DNAH1: variants seen among roughly 807,000 people sequenced by gnomAD.
DNAH1 encodes dynein axonemal heavy chain 1.
In DNAH1, 327 loss-of-function variants were observed where a neutral mutation model predicts 484.3. The observed-to-expected ratio is 0.68, with a 90% confidence interval of 0.62 to 0.74. The LOEUF (loss-of-function observed/expected upper bound fraction) is 0.74. Among genes scored for constraint, DNAH1 ranks in the 30% least tolerant of loss-of-function variants. The pLI, the probability that DNAH1 is intolerant of heterozygous loss-of-function variation, is 0.00. For missense variants in DNAH1, 5,052 were observed against 5,546.8 expected, an observed-to-expected ratio of 0.91 and a Z score of 2.83; for synonymous variants, 2,192 against 2,191.9, an observed-to-expected ratio of 1.00 and a Z score of 0.00.
chr3:52,379,866 G>T lies in DNAH1; in HGVS notation c.7378-39G>T. The T allele has an allele frequency of 1.3e-6, 2 of 1,522,602 alleles. No individual in the cohort carries two copies. The highest frequency in any genetic ancestry group is 2.4e-5 in the South Asian group (2 of 82,102). The allele number at this position is 1,522,602 out of a possible 1,614,324, so 94.3% of individuals were successfully genotyped here. On this transcript the variant is annotated intron_variant, in intron 47 of 77. Coordinates refer to ENST00000420323, the MANE Select transcript of DNAH1 (RefSeq NM_015512.5). This position sits in a 1 kb window ranked among gnomAD's most constrained non-coding sequence, Gnocchi z 4.4. ...TGGTTTGAGAGATAGCTGAGGGCTT[G>T]GGGGCCAAGGACAGGCACCGATGCT... is the stretch of plus-strand genomic sequence containing the variant.
At position 52,388,813 on chromosome 3, in the gene DNAH1, A is replaced by G. The variant is rs202033408; in HGVS notation, c.9371A>G (p.Asn3124Ser). Reference protein sequence around the residue: ...QRLGRAGKLINGLSDEKVRWQ... With the variant: ...QRLGRAGKLISGLSDEKVRWQ... ...ACGGGGCTGCCCCTCCAGCTCATCA[A>G]CGGGCTGTCGGATGAGAAGGTGCGC... The change falls in exon 59 of 78, where the codon AAC becomes AGC. Residue 3124 changes from asparagine to serine, a missense_variant. Physicochemically the swap from Asn to Ser is conservative, Grantham distance 46 (BLOSUM62 1). Around this residue, in one of 4 missense-constraint regions of DNAH1, gnomAD observed 2,929 missense variants for 3,409.4 expected, o/e 0.86. Coordinates refer to ENST00000420323, the MANE Select transcript of DNAH1 (RefSeq NM_015512.5). 1.2e-5 allele frequency: 19 copies of G among 1,613,506 alleles called. No individual in the cohort carries two copies. Among genetic ancestry groups the G allele is most frequent in the African/African-American group, 1.1e-4 (8 of 75,066 alleles).
In DNAH1 at chr3:52,393,030, C is replaced by T. The variant is rs774095939; in HGVS notation, c.10474+5C>T. The T allele has an allele frequency of 6.2e-7, 1 of 1,612,174 alleles. No homozygotes were observed. Among genetic ancestry groups the T allele is most frequent in the Admixed American group, 1.7e-5 (1 of 59,964 alleles). On this transcript the variant is annotated splice_donor_5th_base_variant and intron_variant, in intron 65 of 77. Coordinates refer to ENST00000420323, the MANE Select transcript of DNAH1 (RefSeq NM_015512.5). Reference sequence around the variant, plus strand: ...TCGCCAACTCAGAGAGAGCAGGTAGCACCGGCATGCCAGGCTCCTACCCTG... The same window carrying T: ...TCGCCAACTCAGAGAGAGCAGGTAGTACCGGCATGCCAGGCTCCTACCCTG...
At chr3:52,338,882 A>AG (rs1701828109) in intron 8 of DNAH1, among the ~76,000 whole-genome samples, 1 of 151,836 alleles carries the variant, frequency 6.6e-6, no homozygotes, top group African/African-American at 2.4e-5. Flanking sequence ...AAAAAAAAAA[A>AG]AAAAAGCCAG....
chr3:52,400,196 T>G (rs1456412550), intron 77 of DNAH1, 129 bp from the exon 78 acceptor site: 1 of 1,278,962 alleles, frequency 7.8e-7, no homozygotes, highest in East Asian at 2.3e-5. Context: ...CCTCATCAGG[T>G]AGGCTTCCTC....
rs368088128 is a variant in DNAH1 at position 52,399,108 on chromosome 3, A to C, written c.12348A>C (p.Gly4116=). The stretch of plus-strand genomic sequence containing the variant: ...TCCCAGCTGTCTTCTGGATCAGTGG[A>C]TTCTTCTTCCCCCAGGCTTTCTTAA... The part of the protein sequence containing the change: ...DGIPAVFWIS[G]FFFPQAFLTG... Residue 4116 remains glycine, a synonymous_variant, in exon 76 of 78, where the codon GGA becomes GGC. Transcript: ENST00000420323. 19 of 1,613,878 alleles carry C rather than the reference A, an allele frequency of 1.2e-5. No individual in the cohort carries two copies. In the African/African-American group the frequency reaches 1.3e-4, roughly 11 times the overall value.
At chr3:52,360,653 C>T (rs576678247) in intron 28 of DNAH1, among the ~76,000 whole-genome samples, 1 of 152,318 alleles carries the variant, frequency 6.6e-6, no homozygotes, top group Admixed American at 6.5e-5. Context: ...GAGGCCTCCT[C>T]ACGGTGGTAA....
At chr3:52,376,327 G>A (rs1018262514) in intron 46 of DNAH1, among the ~76,000 whole-genome samples, 34 of 152,182 alleles carry the variant, frequency 2.2e-4, no homozygotes, top group African/African-American at 7.5e-4. Flanking sequence ...GTGTGCACAG[G>A]AAAGCCGGGA....
chr3:52,356,710 A>G lies in DNAH1; in HGVS notation c.3790A>G (p.Ser1264Gly). The G allele has an allele frequency of 6.2e-7, 1 of 1,613,884 alleles. No individual in the cohort carries two copies. Among genetic ancestry groups the G allele is most frequent in the African/African-American group, 1.3e-5 (1 of 75,030 alleles). The change falls in exon 22 of 78, where the codon AGC (serine) becomes GGC (glycine). Residue 1264 changes from serine (S) to glycine (G), a missense_variant. Physicochemically the swap from Ser to Gly is moderately conservative, Grantham distance 56 (BLOSUM62 0). This residue lies in a region of DNAH1 where 2,929 missense variants were observed against 3,409.4 expected (regional missense o/e 0.86). Coordinates refer to ENST00000420323, the MANE Select transcript of DNAH1 (RefSeq NM_015512.5). The part of the protein sequence containing the change: ...EDINQQLPVE[S>G]KRYQTMERIW... ...CATCAACCAGCAGCTGCCTGTGGAG[A>G]GCAAGCGCTACCAGACCATGGAGCG...
At position 52,361,432 on chromosome 3, in the gene DNAH1, C is replaced by A; in HGVS notation, c.4874+80C>A. On this transcript the variant is annotated intron_variant, in intron 29 of 77. Coordinates refer to ENST00000420323, the MANE Select transcript of DNAH1 (RefSeq NM_015512.5). This position sits in a 1 kb window ranked among gnomAD's most constrained non-coding sequence, Gnocchi z 5.6. ...TGGGGAGGGCTAGGTGAGGGCAGTGCCTGAGAGGGGCCTCGAAGGATGGTG... is the reference window on the plus strand; with the variant it reads ...TGGGGAGGGCTAGGTGAGGGCAGTGACTGAGAGGGGCCTCGAAGGATGGTG... 1 of 1,444,788 alleles carries A rather than the reference C, an allele frequency of 6.9e-7. No homozygotes were observed. The highest frequency in any genetic ancestry group is 9.2e-7 in the Non-Finnish European group (1 of 1,082,054). 89.5% of individuals were successfully genotyped at this position (1,444,788 alleles called of 1,614,324 possible).
At chr3:52,372,457 C>T in intron 43 of DNAH1, 70 bp downstream of exon 43, 2 of 1,581,174 alleles carry the variant, frequency 1.3e-6, no homozygotes, top group Non-Finnish European at 1.7e-6. Context: ...GCTGTCCCAC[C>T]TCTCCACCAA....
At chr3:52,399,468 AGAAG>A (rs1704804963) in intron 76 of DNAH1, 73 bp from the exon 77 acceptor site, 2 of 1,308,568 alleles carry the variant, frequency 1.5e-6, no homozygotes, top group Non-Finnish European at 2.1e-6. Context: ...CAGCTCTCTC[AGAAG>A]GGAGTTTTGT....
At chr3:52,393,109 C>G in intron 65 of DNAH1, 84 bp downstream of exon 65, 2 of 1,518,310 alleles carry the variant, frequency 1.3e-6, no homozygotes, top group Non-Finnish European at 1.8e-6. Context: ...CACAAACTCA[C>G]AACTGTGTTC....
intron 7 of DNAH1, 35 bp from the exon 8 acceptor site, chr3:52,332,107 T>C: frequency 6.5e-7 from 1 of 1,537,674 alleles, no homozygotes; most frequent in Non-Finnish European, 8.8e-7. Flanking sequence ...AAAGCCTGAT[T>C]GTGTGTCCCC....
intron 36 of DNAH1, among the ~76,000 whole-genome samples, chr3:52,367,204 C>T (rs1703121540): frequency 1.3e-5 from 2 of 152,210 alleles, no homozygotes; most frequent in South Asian, 4.1e-4. Context: ...CTCTCCGGGC[C>T]CCTGCTCCCA....
intron 47 of DNAH1, 134 bp downstream of exon 47, chr3:52,378,914 C>G: frequency 1.7e-6 from 2 of 1,161,270 alleles, no homozygotes; most frequent in South Asian, 2.9e-5. Context: ...GCCAGGCCCT[C>G]CAGAGCCCAG....
chr3:52,311,475 G>A (rs1700751079), upstream of DNAH1, among the ~76,000 whole-genome samples: 1 of 152,122 alleles, frequency 6.6e-6, no homozygotes, highest in South Asian at 2.1e-4. Context: ...AGTTTACTCT[G>A]GGGCCAGCAG....
At chr3:52,318,201 G>A (rs1701021408) in intron 1 of DNAH1, among the ~76,000 whole-genome samples, 1 of 152,186 alleles carries the variant, frequency 6.6e-6, no homozygotes, top group South Asian at 2.1e-4. Flanking sequence ...ATACGCACCC[G>A]CCATCATGCC....
At chr3:52,389,762 G>T (rs1704288806) in intron 60 of DNAH1, among the ~76,000 whole-genome samples, 176 bp downstream of exon 60, 7 of 152,232 alleles carry the variant, frequency 4.6e-5, no homozygotes, top group Admixed American at 4.6e-4. Context: ...AGAAAGCTGG[G>T]CTGAGTGTGG....
At chr3:52,352,742 C>T in intron 18 of DNAH1, 35 bp downstream of exon 18, 2 of 1,592,960 alleles carry the variant, frequency 1.3e-6, no homozygotes, top group Non-Finnish European at 1.7e-6. Context: ...CCCCATGCCC[C>T]CAGGCTTGAG....
Sources: allele counts gnomAD v4.1 joint callset (sites outside exome capture counted in the v4.1 genomes callset), GRCh38; gene constraint gnomAD v4.1.1; regional missense constraint gnomAD v4.1.1; non-coding constraint Gnocchi (gnomAD v3.1); transcripts MANE v1.5; gene names NCBI Gene and HGNC (gene_info 2026-07-23, HGNC 2026-07-21).